MCF2: variants seen among roughly 807,000 people sequenced by gnomAD.
MCF2 encodes MCF.2 cell line derived transforming sequence, also known as proto-oncogene DBL.
A neutral mutation model predicts 82.5 loss-of-function variants in MCF2; 44 were observed. That is an observed-to-expected ratio of 0.53 (90% CI 0.42 to 0.69). The LOEUF (loss-of-function observed/expected upper bound fraction) is 0.69. Among genes scored for constraint, MCF2 ranks in the 30% least tolerant of loss-of-function variants. The pLI, the probability that MCF2 is intolerant of heterozygous loss-of-function variation, is 0.00. For synonymous variants in MCF2, 217 were observed against 224.9 expected, an observed-to-expected ratio of 0.96 and a Z score of 0.32; for missense variants, 623 against 663.1, an observed-to-expected ratio of 0.94 and a Z score of 0.66.
chrX:139,609,398 T>C (rs1474013944), intron 11 of MCF2, among the ~76,000 whole-genome samples: 1 of 110,873 alleles, frequency 9.0e-6, no homozygotes, highest in Non-Finnish European at 1.9e-5. Context: ...GTGTTAAAAA[T>C]ATTAGCCTGG....
chrX:139,592,192 G>A (rs1173199686), intron 19 of MCF2, among the ~76,000 whole-genome samples: 2 of 111,376 alleles, frequency 1.8e-5, no homozygotes, highest in African/African-American at 3.3e-5. Context: ...GGCATTACTG[G>A]GGAACCAAAG....
chrX:139,589,749 C>T (rs1850376425), intron 20 of MCF2, 86 bp downstream of exon 24: 2 of 658,267 alleles, frequency 3.0e-6, no homozygotes, highest in Non-Finnish European at 4.8e-6. Context: ...TTTTGAAATG[C>T]GACCAAAATT....
chrX:139,608,373 C>T (rs999509087), intron 11 of MCF2, among the ~76,000 whole-genome samples: 3 of 111,412 alleles, frequency 2.7e-5, no homozygotes, highest in African/African-American at 9.8e-5. Flanking sequence ...TGTCTCTACT[C>T]CCTGCCACAT....
chrX:139,678,479 A>C (rs1934925898), intron 1 of MCF2, among the ~76,000 whole-genome samples: 2 of 112,317 alleles, frequency 1.8e-5, no homozygotes, highest in South Asian at 3.7e-4. Flanking sequence ...ATTATGCTAC[A>C]TTAAAATTTT....
At chrX:139,611,423 A>C (rs1448412824) in intron 10 of MCF2, among the ~76,000 whole-genome samples, 3 of 112,249 alleles carry the variant, frequency 2.7e-5, no homozygotes, top group Non-Finnish European at 5.6e-5. Context: ...CTTCAAAGAA[A>C]CCTGTTCTAC....
At chrX:139,624,317 G>A (rs1359825119) in intron 6 of MCF2, among the ~76,000 whole-genome samples, 2 of 110,643 alleles carry the variant, frequency 1.8e-5, no homozygotes, top group African/African-American at 3.3e-5. Context: ...GAGGCGGGAG[G>A]ATTGTTTGAG....
chrX:139,668,285 G>A (rs1307851799), intron 1 of MCF2, among the ~76,000 whole-genome samples: 4 of 111,581 alleles, frequency 3.6e-5, no homozygotes, highest in African/African-American at 6.5e-5. Context: ...TCCCAACACC[G>A]CTGGGTTCCA....
chrX:139,677,208 G>C (rs889865712), intron 1 of MCF2, among the ~76,000 whole-genome samples: 2 of 111,672 alleles, frequency 1.8e-5, no homozygotes, highest in East Asian at 5.6e-4. Context: ...CCAAGTGCTA[G>C]CAGGCCACTG....
chrX:139,598,819 C>T (rs930344783), intron 16 of MCF2, among the ~76,000 whole-genome samples: 2 of 111,697 alleles, frequency 1.8e-5, no homozygotes, highest in African/African-American at 6.5e-5. Flanking sequence ...ATGATTAAAA[C>T]GTTCTTTAAT....
intron 11 of MCF2, among the ~76,000 whole-genome samples, chrX:139,608,967 T>C (rs1365293149): frequency 8.9e-6 from 1 of 112,059 alleles, no homozygotes. Context: ...ATTAATTATA[T>C]TAAAACTTAG....
chrX:139,643,507 A>T (rs779344199), upstream of MCF2, among the ~76,000 whole-genome samples: 1 of 111,877 alleles, frequency 8.9e-6, no homozygotes, highest in African/African-American at 3.2e-5. Context: ...CCACAAGCAA[A>T]AACATTTAAC....
At position 139,626,596 on chromosome X, in the gene MCF2, ACT is replaced by A. The variant is rs747182895; in HGVS notation, c.572+25_572+26del. On this transcript the variant is annotated intron_variant, in intron 5 of 24. Coordinates refer to ENST00000370576, the Ensembl canonical transcript of MCF2. Reference sequence around the variant, plus strand: ...TCCTTTCAAAAATATAAAATAAGTAACTCTAAACCAAAAAGAGAGTACTCACT... The same window carrying A: ...TCCTTTCAAAAATATAAAATAAGTAACTAAACCAAAAAGAGAGTACTCACT... The A allele has an allele frequency of 2.1e-3, 2,439 of 1,174,840 alleles. 7 individuals are homozygous for A. The highest frequency in any genetic ancestry group is 1.7e-3 in the Non-Finnish European group (1,461 of 871,330).
intron 1 of MCF2, among the ~76,000 whole-genome samples, chrX:139,641,284 G>A (rs758198065): frequency 9.2e-6 from 1 of 109,056 alleles, no homozygotes; most frequent in Non-Finnish European, 1.9e-5. Flanking sequence ...CTACAATACT[G>A]CAAAGTACAT....
chrX:139,637,277 T>G (rs1244560006), intron 1 of MCF2, among the ~76,000 whole-genome samples: 1 of 111,783 alleles, frequency 8.9e-6, no homozygotes. Flanking sequence ...CAGGTGGCAC[T>G]CAAACAATTC....
chrX:139,635,878 C>A (rs1933184896), intron 1 of MCF2, among the ~76,000 whole-genome samples: 1 of 109,472 alleles, frequency 9.1e-6, no homozygotes, highest in Non-Finnish European at 1.9e-5. Flanking sequence ...CTCCTCCCAC[C>A]CTCCACCCTC....
rs897315300 is a variant in MCF2, at chrX:139,606,876, A to G, written c.1490+815T>C. Among the ~76,000 whole-genome samples, 38 of 109,355 alleles carry G rather than the reference A, an allele frequency of 3.5e-4. 1 individual carries two copies. The highest frequency in any genetic ancestry group is 7.9e-4 in the Admixed American group (8 of 10,181). 95.0% of individuals were successfully genotyped at this position (109,355 alleles called of 115,157 possible). A position where few individuals can be genotyped will look rare whatever the true frequency, so the allele number is the denominator to read the frequency against. On this transcript the variant is annotated intron_variant, in intron 12 of 24. Transcript: ENST00000370576. ...TCTTACAGTATAAATATGTGTCTGT[A>G]TATATATATATATGTATCTCATACA...
intron 16 of MCF2, among the ~76,000 whole-genome samples, chrX:139,599,218 A>G (rs1478455937): frequency 1.9e-5 from 2 of 106,993 alleles, no homozygotes; most frequent in Non-Finnish European, 3.9e-5. Flanking sequence ...GGGGACTGCT[A>G]TTAGGTTGGT....
rs141125101 is a variant in MCF2 at position 139,652,105 on chromosome X, T to C, written c.-44-317A>G. The stretch of plus-strand genomic sequence containing the variant: ...TCGGATTTATTTGAAGGGTAGATGG[T>C]CATGGGGAGACACTGTAGCAGATTG... On this transcript the variant is annotated intron_variant, in intron 1 of 27. Coordinates refer to the MCF2 transcript ENST00000414978. Among the ~76,000 whole-genome samples, 914 of 112,072 alleles carry C rather than the reference T, an allele frequency of 8.2e-3. 9 individuals carry two copies. The highest frequency in any genetic ancestry group is 0.028 in the African/African-American group (866 of 30,883).
chrX:139,668,621 T>G (rs1225334631), intron 1 of MCF2, among the ~76,000 whole-genome samples: 1 of 111,595 alleles, frequency 9.0e-6, no homozygotes, highest in Non-Finnish European at 1.9e-5. Context: ...TCCTTGATTT[T>G]GGTGTTTCCT....
Sources: allele counts gnomAD v4.1 joint callset (sites outside exome capture counted in the v4.1 genomes callset), GRCh38; gene constraint gnomAD v4.1.1; transcripts MANE v1.5; gene names NCBI Gene and HGNC (gene_info 2026-07-23, HGNC 2026-07-21).